Variants in MEAK7 observed in about 807,000 individuals in gnomAD.
The protein encoded by MEAK7 is MTOR associated protein MEAK7, also known as MTOR-associated protein MEAK7.
MEAK7 carries 68 observed loss-of-function variants against 40.5 expected under a neutral mutation model. That is an observed-to-expected ratio of 1.68 (90% confidence interval 1.38 to 2.06). The LOEUF is 2.06. MEAK7 is among the 30% of genes most tolerant of loss of function. The pLI is 0.00. For missense variants in MEAK7, 918 were observed against 580.5 expected (o/e 1.58, Z -5.98); for synonymous variants, 338 against 231.9 (o/e 1.46, Z -4.16).
rs972936051 is a variant in MEAK7 at position 84,479,765 on chromosome 16, G to A, written c.*148C>T. 2.1e-5 allele frequency: 10 copies of A among 466,074 alleles called. No individual in the cohort carries two copies. The highest frequency in any genetic ancestry group is 5.7e-4 in the Middle Eastern group (1 of 1,740). The allele number at this position is 466,074 out of a possible 1,614,324, so 28.9% of individuals were successfully genotyped here. A position where few individuals can be genotyped will look rare whatever the true frequency, so the allele number is the denominator to read the frequency against. ...GAGTCAGGACATGGCTTCAGAGGGCGTCTTCTTGGCACATGTGGGACTACC... is the reference window on the plus strand; with the variant it reads ...GAGTCAGGACATGGCTTCAGAGGGCATCTTCTTGGCACATGTGGGACTACC... On this transcript the variant is annotated 3_prime_UTR_variant, in exon 8 of 8. Transcript: ENST00000343629.
At chr16:84,503,825 T>C (rs898515504) in intron 1 of MEAK7, 1 of 597,886 alleles carries the variant, frequency 1.7e-6, no homozygotes, top group Non-Finnish European at 2.1e-6. Flanking sequence ...ATCCTAGGAA[T>C]GGCTTAGTCA....
chr16:84,497,350 G>A lies in MEAK7; in HGVS notation c.153+584C>T, dbSNP rs371707536. 386 of 1,178,252 alleles carry A rather than the reference G, an allele frequency of 3.3e-4. 4 individuals carry two copies. In the South Asian group the frequency reaches 4.1e-3, roughly 13 times the overall value. The allele number at this position is 1,178,252 out of a possible 1,614,324, so 73.0% of individuals were successfully genotyped here. A position where few individuals can be genotyped will look rare whatever the true frequency, so the allele number is the denominator to read the frequency against. On this transcript the variant is annotated intron_variant, in intron 2 of 7. Transcript: ENST00000343629. ...GGGCAGTTTTAACTCCCTGCAAGAT[G>A]AGCCTTGAATCTAAAATGTGATTAT...
intron 1 of MEAK7, among the ~76,000 whole-genome samples, chr16:84,503,468 G>C (rs891592457): frequency 6.6e-6 from 1 of 152,134 alleles, no homozygotes; most frequent in Non-Finnish European, 1.5e-5. Context: ...TATAATCAGA[G>C]TTGAGCCCAA....
rs1228178365 is a variant in MEAK7 at position 84,480,575 on chromosome 16, T to C, written c.1211A>G (p.Asp404Gly). The change falls in exon 7 of 8, where the codon GAT (aspartate) becomes GGT (glycine). Residue 404 changes from aspartate (D) to glycine (G), a missense_variant. By Grantham distance (94) the Asp-to-Gly change is moderately conservative. Transcript: ENST00000343629. ...QLSAQENFQF[D>G]KMEVWAVGDP... The stretch of plus-strand genomic sequence containing the variant: ...TCCAACCGCCCACACCTCCATCTTA[T>C]CAAACTGGAAGTTCTCCTGAGCCGA... 2 of 1,613,818 alleles carry C rather than the reference T, an allele frequency of 1.2e-6. No homozygotes were observed. Among genetic ancestry groups the C allele is most frequent in the Admixed American group, 3.3e-5 (2 of 59,986 alleles).
At chr16:84,500,796 A>G (rs1189073846) in intron 1 of MEAK7, among the ~76,000 whole-genome samples, 1 of 152,174 alleles carries the variant, frequency 6.6e-6, no homozygotes, top group East Asian at 1.9e-4. Flanking sequence ...CTGCAGGGAC[A>G]CAGCCCAAGC....
intron 1 of MEAK7, among the ~76,000 whole-genome samples, chr16:84,499,566 G>C (rs1914332524): frequency 1.3e-5 from 2 of 152,116 alleles, no homozygotes; most frequent in Admixed American, 6.5e-5. Flanking sequence ...GTGTACAGTG[G>C]CATTTAGGAC....
At chr16:84,489,572 T>A (rs1236914453) in intron 3 of MEAK7, 150 bp from the exon 4 acceptor site, 6 of 952,374 alleles carry the variant, frequency 6.3e-6, no homozygotes, top group Non-Finnish European at 9.1e-6. Context: ...AGTTACTCGT[T>A]TTTCTAATGA....
rs1323182525 is a variant in MEAK7 at position 84,504,639 on chromosome 16, A to T, written c.-64T>A. On this transcript the variant is annotated 5_prime_UTR_variant, in exon 1 of 8. Transcript: ENST00000343629. Reference sequence around the variant, plus strand: ...CTGGTGCTGTCCGGTCCGGTCCAGCAGCCCACGGGCTCCTCTCGAGAGCCG... The same window carrying T: ...CTGGTGCTGTCCGGTCCGGTCCAGCTGCCCACGGGCTCCTCTCGAGAGCCG... The T allele has an allele frequency of 1.0e-6, 1 of 985,658 alleles. No individual in the cohort carries two copies. The highest frequency in any genetic ancestry group is 1.2e-6 in the Non-Finnish European group (1 of 830,050). 61.1% of individuals were successfully genotyped at this position (985,658 alleles called of 1,614,324 possible).
chr16:84,495,853 T>C lies in MEAK7; in HGVS notation c.214A>G (p.Arg72Gly). The C allele has an allele frequency of 3.1e-6, 5 of 1,614,054 alleles. No individual in the cohort carries two copies. The highest frequency in any genetic ancestry group is 4.2e-6 in the Non-Finnish European group (5 of 1,180,024). ...TTCGCCTTCCCTGTCAGGTCGACCC[T>C]CCGCATGCCATCATACAGCCTGGTG... ...MVTRLYDGMRRVDLTGKAKGP... is the reference protein window; with the variant it reads ...MVTRLYDGMRGVDLTGKAKGP... Residue 72 changes from arginine (R) to glycine (G), a missense_variant, in exon 3 of 8, where the codon AGG becomes GGG. By Grantham distance (125) the Arg-to-Gly change is moderately radical (BLOSUM62 -2). Transcript: ENST00000343629.
chr16:84,498,189 T>C, intron 1 of MEAK7, 78 bp from the exon 2 acceptor site: 1 of 1,485,216 alleles, frequency 6.7e-7, no homozygotes. Context: ...AATTATATGG[T>C]CAAGTTAATA....
intron 1 of MEAK7, among the ~76,000 whole-genome samples, chr16:84,501,903 G>C (rs1442393551): frequency 6.6e-6 from 1 of 152,174 alleles, no homozygotes; most frequent in African/African-American, 2.4e-5. Context: ...CCAGCACTTT[G>C]GGAGGCCGAG....
chr16:84,504,509 G>A, intron 1 of MEAK7, 92 bp downstream of exon 1: 3 of 813,920 alleles, frequency 3.7e-6, no homozygotes, highest in Non-Finnish European at 4.5e-6. Flanking sequence ...CAGGGCCCAG[G>A]CCTACTCTGG....
chr16:84,487,013 G>A lies in MEAK7; in HGVS notation c.576C>T (p.Asp192=), dbSNP rs200771884. The change falls in exon 5 of 8, where the codon GAC becomes GAT. Residue 192 remains aspartate (D), a synonymous_variant. Transcript: ENST00000343629. Reference sequence around the variant, plus strand: ...ACACCCAGTCCTCGATCACAGCTCGGTCACAGTCATAGTCCAGCCACTGGG... The same window carrying A: ...ACACCCAGTCCTCGATCACAGCTCGATCACAGTCATAGTCCAGCCACTGGG... ...LGPQWLDYDC[D]RAVIEDWVFR... is the part of the protein sequence containing the mutation. 1 of 1,614,024 alleles carries A rather than the reference G, an allele frequency of 6.2e-7. No homozygotes were observed. The highest frequency in any genetic ancestry group is 1.1e-5 in the South Asian group (1 of 91,058).
chr16:84,501,088 C>T (rs568143414), intron 1 of MEAK7, among the ~76,000 whole-genome samples: 2 of 104,568 alleles, frequency 1.9e-5, no homozygotes, highest in African/African-American at 3.6e-5. Context: ...GAGTTAGACT[C>T]GTCTCAAAAA....
At chr16:84,497,764 A>G in intron 2 of MEAK7, 170 bp downstream of exon 2, 3 of 1,303,548 alleles carry the variant, frequency 2.3e-6, no homozygotes, top group African/African-American at 1.5e-5. Context: ...CAGAGACCGC[A>G]TAGCTCACAA....
chr16:84,504,440 C>T (rs1914733606), intron 1 of MEAK7, among the ~76,000 whole-genome samples, 161 bp downstream of exon 1: 1 of 151,788 alleles, frequency 6.6e-6, no homozygotes, highest in African/African-American at 2.4e-5. Context: ...TCCCCGCAGC[C>T]TTCACCTCTC....
rs1056725390 is a variant in MEAK7 at position 84,478,550 on chromosome 16, G to A, written c.*1363C>T. On this transcript the variant is annotated 3_prime_UTR_variant, in exon 8 of 8. Coordinates refer to ENST00000343629, the MANE Select transcript of MEAK7 (RefSeq NM_020947.4). ...CTTACAGCAAAAGACAAAAGGAAGA[G>A]GTATATATCTTAGAGACAAGCTCAC... 6.6e-6 allele frequency: 1 copy of A among 152,242 alleles called. No individual in the cohort carries two copies. Among genetic ancestry groups the A allele is most frequent in the East Asian group, 1.9e-4 (1 of 5,200 alleles). 9.4% of individuals were successfully genotyped at this position (152,242 alleles called of 1,614,324 possible).
rs2069319 is a variant in MEAK7, at chr16:84,477,693, A to G, written c.*2220T>C. 3.9e-5 allele frequency: 6 copies of G among 152,016 alleles called. No homozygotes were observed. The South Asian group carries it at 1.0e-3, about 26-fold the overall frequency. The allele number at this position is 152,016 out of a possible 1,614,324, so 9.4% of individuals were successfully genotyped here. The stretch of plus-strand genomic sequence containing the variant: ...ATTCTCATTCTGGTTTCACAAAAGA[A>G]CAAACTATTCATTTGTGCAAACTAG... On this transcript the variant is annotated 3_prime_UTR_variant, in exon 8 of 8. Transcript: ENST00000343629.
At chr16:84,498,269 T>C (rs2150646438) in intron 1 of MEAK7, among the ~76,000 whole-genome samples, 158 bp from the exon 2 acceptor site, 1 of 152,194 alleles carries the variant, frequency 6.6e-6, no homozygotes, top group Admixed American at 6.5e-5. Flanking sequence ...TTGGGTTTTG[T>C]TTTTGTTTTG....
Sources: allele counts gnomAD v4.1 joint callset (sites outside exome capture counted in the v4.1 genomes callset), GRCh38; gene constraint gnomAD v4.1.1; transcripts MANE v1.5; gene names NCBI Gene and HGNC (gene_info 2026-07-23, HGNC 2026-07-21).